Variants in OSBP2 observed in about 807,000 individuals in gnomAD.
The protein encoded by OSBP2 is oxysterol-binding protein 2.
In OSBP2, 66 loss-of-function variants were observed where a neutral mutation model predicts 96.0. That is an observed-to-expected ratio of 0.69 (90% CI 0.56 to 0.84). The LOEUF (loss-of-function observed/expected upper bound fraction) is 0.84, where lower values mean the gene tolerates loss of function less well. Ranked by LOEUF, OSBP2 falls within the 40% of genes least tolerant of loss-of-function variation. OSBP2 has a pLI of 0.00. For missense variants in OSBP2, 1,038 were observed against 1,222.7 expected (o/e 0.85, Z 2.25); for synonymous variants, 525 against 520.9 (o/e 1.01, Z -0.11).
intron 1 of OSBP2, among the ~76,000 whole-genome samples, chr22:30,736,494 G>A (rs1422114238): frequency 1.3e-5 from 2 of 152,126 alleles, no homozygotes; most frequent in Non-Finnish European, 2.9e-5. Context: ...CCTGACCCTG[G>A]GCAGATGAGT....
At chr22:30,738,256 C>G (rs1206346422) in intron 1 of OSBP2, among the ~76,000 whole-genome samples, 1 of 152,014 alleles carries the variant, frequency 6.6e-6, no homozygotes, top group Non-Finnish European at 1.5e-5. Context: ...CTCTCTCTGT[C>G]CGGAACACTG....
intron 2 of OSBP2, among the ~76,000 whole-genome samples, chr22:30,789,231 A>G (rs998148291): frequency 2.6e-5 from 4 of 152,194 alleles, no homozygotes; most frequent in African/African-American, 9.6e-5. Context: ...TCAGTGCTCA[A>G]CGGCTCTCAG....
Position 30,887,450 on chromosome 22 carries a change from G to A in OSBP2, c.1132G>A (p.Ala378Thr), listed in dbSNP as rs1380078857. 6.2e-7 allele frequency: 1 copy of A among 1,613,668 alleles called. No homozygotes were observed. The highest frequency in any genetic ancestry group is 1.3e-5 in the African/African-American group (1 of 74,930). The part of the protein sequence containing the change: ...INACRDFLEL[A>T]EIHSRKWQRA... ...GGCCTGCAGGGACTTCTTGGAACTA[G>A]CAGAGATACACAGTCGGAAATGGCA... The change falls in exon 4 of 14, where the codon GCA becomes ACA. Residue 378 changes from alanine to threonine, a missense_variant. Coordinates refer to ENST00000332585, the MANE Select transcript of OSBP2 (RefSeq NM_030758.4).
chr22:30,778,169 C>CTTTTTTTTTTTTTTTTTT lies in OSBP2; in HGVS notation c.853+36800_853+36801insTTTTTTTTTTTTTTTTTT, dbSNP rs1569119423. On this transcript the variant is annotated intron_variant, in intron 2 of 13. Coordinates refer to ENST00000332585, the MANE Select transcript of OSBP2 (RefSeq NM_030758.4). ...ACCAGCATGCCCGGCTAATTTTTGC[C>CTTTTTTTTTTTTTTTTTT]CTTTTTTTTTTTTTTTTTTTTAGTA... is the stretch of plus-strand genomic sequence containing the variant. 1.0e-4 allele frequency among the ~76,000 whole-genome samples: 13 copies of CTTTTTTTTTTTTTTTTTT among 124,180 alleles called. 5 individuals carry two copies. The highest frequency in any genetic ancestry group is 1.5e-4 in the Non-Finnish European group (9 of 59,942). The allele number at this position is 124,180 out of a possible 152,430, so 81.5% of individuals were successfully genotyped here.
chr22:30,892,419 G>A (rs545506340), intron 8 of OSBP2, among the ~76,000 whole-genome samples: 12 of 152,222 alleles, frequency 7.9e-5, no homozygotes, highest in Middle Eastern at 3.4e-3. Context: ...GCGGGATCCC[G>A]GCTCTGCCTG....
At chr22:30,905,137 T>A (rs1435199384) in intron 12 of OSBP2, among the ~76,000 whole-genome samples, 1 of 47,836 alleles carries the variant, frequency 2.1e-5, no homozygotes, top group Non-Finnish European at 3.7e-5. Flanking sequence ...GACCCGTCTT[T>A]TTTTTTTTTT....
chr22:30,775,677 C>T (rs1265238277), intron 2 of OSBP2, among the ~76,000 whole-genome samples: 2 of 152,126 alleles, frequency 1.3e-5, no homozygotes, highest in Admixed American at 1.3e-4. Context: ...CCTGAAATCA[C>T]AATTCTTTAA....
In OSBP2 at chr22:30,890,862, C is replaced by A; in HGVS notation, c.1758C>A (p.Ser586=). ...QMCLVAAFSV[S]SYSTTVHRIA... ...GCCTGGTGGCCGCCTTCTCTGTGTC[C>A]TCCTACTCCACCACAGTGCACCGCA... The change falls in exon 8 of 14, where the codon TCC becomes TCA. Residue 586 remains serine, a synonymous_variant. Coordinates refer to ENST00000332585, the MANE Select transcript of OSBP2 (RefSeq NM_030758.4). This position sits in a 1 kb window ranked among gnomAD's most constrained non-coding sequence, Gnocchi z 4.4. The A allele has an allele frequency of 6.2e-7, 1 of 1,613,842 alleles. No homozygotes were observed. The highest frequency in any genetic ancestry group is 8.5e-7 in the Non-Finnish European group (1 of 1,180,016).
chr22:30,835,916 A>G (rs57021529), intron 2 of OSBP2, among the ~76,000 whole-genome samples: 8,160 of 151,586 alleles, frequency 0.054, 721 homozygotes, highest in African/African-American at 0.18. Flanking sequence ...GTGGGGTTTC[A>G]CTATGTTGCC....
chr22:30,727,728 AAAGTAGAC>A (rs1265372112), intron 1 of OSBP2, among the ~76,000 whole-genome samples: 1 of 152,190 alleles, frequency 6.6e-6, no homozygotes, highest in Non-Finnish European at 1.5e-5. Flanking sequence ...TGCGTAGAGA[AAAGTAGAC>A]AAATAAGTGT....
intron 2 of OSBP2, among the ~76,000 whole-genome samples, chr22:30,780,898 G>A (rs1348608683): frequency 6.6e-6 from 1 of 152,204 alleles, no homozygotes; most frequent in African/African-American, 2.4e-5. Flanking sequence ...GGGTGACCAG[G>A]GAGCTGGGCT....
chr22:30,778,066 G>A (rs936192087), intron 2 of OSBP2, among the ~76,000 whole-genome samples: 1 of 151,588 alleles, frequency 6.6e-6, no homozygotes, highest in Admixed American at 6.6e-5. Context: ...TGCAATCTCG[G>A]TTCACTGCAA....
intron 2 of OSBP2, among the ~76,000 whole-genome samples, chr22:30,824,691 G>C (rs954350677): frequency 2.0e-5 from 3 of 152,098 alleles, no homozygotes; most frequent in African/African-American, 7.2e-5. Context: ...ATTCTGGTGA[G>C]GTGTCACCGC....
intron 2 of OSBP2, among the ~76,000 whole-genome samples, chr22:30,848,341 A>G (rs1278272493): frequency 1.3e-5 from 2 of 152,198 alleles, no homozygotes; most frequent in Non-Finnish European, 2.9e-5. Context: ...ATTTATATAT[A>G]TCAATATTTG....
chr22:30,803,140 G>T, intron 2 of OSBP2: 1 of 189,792 alleles, frequency 5.3e-6, no homozygotes, highest in Non-Finnish European at 1.1e-5. Flanking sequence ...CAGCCTCGGG[G>T]CAGGACCCAC....
intron 1 of OSBP2, among the ~76,000 whole-genome samples, chr22:30,735,066 C>T (rs2089829362): frequency 6.6e-6 from 1 of 152,140 alleles, no homozygotes; most frequent in South Asian, 2.1e-4. Context: ...GTGGCACATG[C>T]CTATGGTCCC....
At chr22:30,776,538 C>T (rs2090440301) in intron 2 of OSBP2, among the ~76,000 whole-genome samples, 2 of 151,730 alleles carry the variant, frequency 1.3e-5, no homozygotes, top group Non-Finnish European at 2.9e-5. Flanking sequence ...TGGTTGTTGG[C>T]AATATTTCTC....
intron 2 of OSBP2, among the ~76,000 whole-genome samples, chr22:30,749,084 C>G (rs549205805): frequency 4.6e-5 from 7 of 152,284 alleles, no homozygotes; most frequent in Non-Finnish European, 1.0e-4. Flanking sequence ...TCACTGCACT[C>G]CAGCCTGGGT....
intron 2 of OSBP2, among the ~76,000 whole-genome samples, chr22:30,788,861 T>C (rs2145821782): frequency 6.6e-6 from 1 of 152,218 alleles, no homozygotes; most frequent in South Asian, 2.1e-4. Flanking sequence ...TACAGGCGCC[T>C]GCCACCACAC....
Sources: allele counts gnomAD v4.1 joint callset (sites outside exome capture counted in the v4.1 genomes callset), GRCh38; gene constraint gnomAD v4.1.1; non-coding constraint Gnocchi (gnomAD v3.1); transcripts MANE v1.5; gene names NCBI Gene and HGNC (gene_info 2026-07-23, HGNC 2026-07-21).